The following LZTS1 variants were observed in gnomAD, a reference collection of about 807,000 sequenced individuals.
LZTS1 encodes leucine zipper tumor suppressor 1.
A neutral mutation model predicts 45.8 loss-of-function variants in LZTS1; 31 were observed. That is an observed-to-expected ratio of 0.68 (90% CI 0.51 to 0.91). The LOEUF (loss-of-function observed/expected upper bound fraction) is 0.91. Among genes scored for constraint, LZTS1 ranks in the 40% least tolerant of loss-of-function variants. The pLI, the probability that LZTS1 is intolerant of heterozygous loss-of-function variation, is 0.00. For missense variants in LZTS1, 821 were observed against 788.9 expected, an observed-to-expected ratio of 1.04 and a Z score of -0.49; for synonymous variants, 359 against 357.3, an observed-to-expected ratio of 1.00 and a Z score of -0.05.
At chr8:20,282,651 T>C (rs542161675) in intron 1 of LZTS1, among the ~76,000 whole-genome samples, 2 of 152,328 alleles carry the variant, frequency 1.3e-5, no homozygotes, top group East Asian at 3.9e-4. Context: ...TAAGGGGCTG[T>C]CCTGTGTGTG....
intron 1 of LZTS1, among the ~76,000 whole-genome samples, chr8:20,268,186 C>T (rs1004687344): frequency 7.0e-6 from 1 of 143,558 alleles, no homozygotes; most frequent in African/African-American, 2.6e-5. Context: ...ACCCCCACTC[C>T]CATCTCACCA....
At chr8:20,300,038 G>A (rs530000425) in intron 1 of LZTS1, among the ~76,000 whole-genome samples, 1 of 152,216 alleles carries the variant, frequency 6.6e-6, no homozygotes, top group East Asian at 1.9e-4. Flanking sequence ...AACTGTGCTT[G>A]TGGGTTGATT....
In LZTS1 at chr8:20,247,710, C is replaced by T. The variant is rs1799772928; in HGVS notation, c.*2012G>A. 6.6e-6 allele frequency: 1 copy of T among 152,346 alleles called. No homozygotes were observed. Among genetic ancestry groups the T allele is most frequent in the Non-Finnish European group, 1.5e-5 (1 of 68,140 alleles). 9.4% of individuals were successfully genotyped at this position (152,346 alleles called of 1,614,324 possible). A position where few individuals can be genotyped will look rare whatever the true frequency, so the allele number is the denominator to read the frequency against. ...CAGCCACAGAAAAGGTGACTCTGGC[C>T]TCAGCCCGCACTCAGGGAAGGGCTA... On this transcript the variant is annotated 3_prime_UTR_variant, in exon 4 of 4. Transcript: ENST00000381569.
At chr8:20,254,271 T>C (rs1585277913) in intron 2 of LZTS1, among the ~76,000 whole-genome samples, 1 of 152,322 alleles carries the variant, frequency 6.6e-6, no homozygotes, top group South Asian at 2.1e-4. Context: ...GAGGGCTGGA[T>C]TTCTCAGTGC....
intron 1 of LZTS1, among the ~76,000 whole-genome samples, chr8:20,274,916 T>C (rs1800546074): frequency 6.6e-6 from 1 of 150,534 alleles, no homozygotes. Flanking sequence ...GTGGGCTCCT[T>C]GGAGCGCTGT....
chr8:20,288,275 C>A (rs1800831851), intron 1 of LZTS1, among the ~76,000 whole-genome samples: 1 of 152,172 alleles, frequency 6.6e-6, no homozygotes, highest in South Asian at 2.1e-4. Flanking sequence ...GGAGCCTCTG[C>A]AAAGGCTGAC....
At chr8:20,302,321 A>G (rs967850723) in intron 1 of LZTS1, among the ~76,000 whole-genome samples, 1 of 152,132 alleles carries the variant, frequency 6.6e-6, no homozygotes. Flanking sequence ...ACTTCTACCC[A>G]CAGACTATGT....
At chr8:20,269,272 G>A (rs1361961650) in intron 1 of LZTS1, among the ~76,000 whole-genome samples, 1 of 152,184 alleles carries the variant, frequency 6.6e-6, no homozygotes, top group Non-Finnish European at 1.5e-5. Context: ...CTGACGACCC[G>A]TGATACAGAT....
intron 1 of LZTS1, among the ~76,000 whole-genome samples, chr8:20,278,065 G>T (rs1190331613): frequency 6.6e-6 from 1 of 152,156 alleles, no homozygotes; most frequent in African/African-American, 2.4e-5. Context: ...AGGAATGTCA[G>T]GTGACCATCA....
intron 2 of LZTS1, 114 bp from the exon 3 acceptor site, chr8:20,253,699 A>C: frequency 1.4e-6 from 1 of 738,744 alleles, no homozygotes; most frequent in East Asian, 2.7e-5. Context: ...GAGCGCACGC[A>C]GCACCCCTCT....
intron 1 of LZTS1, among the ~76,000 whole-genome samples, chr8:20,287,469 C>G (rs1448125493): frequency 1.3e-5 from 2 of 152,244 alleles, no homozygotes; most frequent in Non-Finnish European, 2.9e-5. Flanking sequence ...ACCCTCAACT[C>G]TCTTTCCCTT....
chr8:20,263,727 G>A, intron 1 of LZTS1, among the ~76,000 whole-genome samples: 1 of 152,114 alleles, frequency 6.6e-6, no homozygotes, highest in South Asian at 2.1e-4. Flanking sequence ...ACTCAAAGTG[G>A]GGCGCGGGGT....
At chr8:20,252,354 T>C (rs1055121035) in intron 3 of LZTS1, among the ~76,000 whole-genome samples, 2 of 152,178 alleles carry the variant, frequency 1.3e-5, no homozygotes, top group Non-Finnish European at 2.9e-5. Context: ...CTCTTACTAG[T>C]GGGTGCAGTC....
At chr8:20,287,922 G>C (rs1205030571) in intron 1 of LZTS1, among the ~76,000 whole-genome samples, 1 of 101,526 alleles carries the variant, frequency 9.8e-6, no homozygotes, top group Non-Finnish European at 2.1e-5. Flanking sequence ...AAAAAAAAAA[G>C]GTTCCTGGCT....
intron 1 of LZTS1, among the ~76,000 whole-genome samples, chr8:20,281,402 A>T (rs561329083): frequency 0.023 from 2,190 of 95,028 alleles, 38 homozygotes; most frequent in South Asian, 0.084. Context: ...TCTACTAAAA[A>T]TACAAAAAAA....
At chr8:20,298,806 G>C (rs1175101046) in intron 1 of LZTS1, among the ~76,000 whole-genome samples, 1 of 152,216 alleles carries the variant, frequency 6.6e-6, no homozygotes, top group Non-Finnish European at 1.5e-5. Context: ...AGGAGGTCAA[G>C]ATTGCAGTAA....
intron 1 of LZTS1, among the ~76,000 whole-genome samples, chr8:20,297,113 A>C (rs1416259504): frequency 6.6e-6 from 1 of 152,128 alleles, no homozygotes; most frequent in Non-Finnish European, 1.5e-5. Flanking sequence ...GGTTTCCACA[A>C]ATTGCTTGAG....
intron 1 of LZTS1, chr8:20,290,277 T>C (rs1477561440): frequency 6.6e-6 from 1 of 152,192 alleles, no homozygotes; most frequent in Non-Finnish European, 1.5e-5. Flanking sequence ...GAGAAATTGA[T>C]GGACTTTTGA....
chr8:20,286,460 G>T (rs192052522), intron 1 of LZTS1, among the ~76,000 whole-genome samples: 1 of 152,152 alleles, frequency 6.6e-6, no homozygotes, highest in Non-Finnish European at 1.5e-5. Context: ...AATACCTACC[G>T]CTAGGCCACT....
Sources: gnomAD v4.1 joint callset for allele counts (sites outside exome capture counted in the v4.1 genomes callset) on GRCh38, gnomAD v4.1.1 for gene constraint, MANE v1.5 for transcripts, NCBI Gene and HGNC (gene_info 2026-07-23, HGNC 2026-07-21) for gene names.